Variants in DNAH8 observed in about 807,000 individuals in gnomAD.
DNAH8 encodes the protein dynein axonemal heavy chain 8.
DNAH8 carries 382 observed loss-of-function variants against 562.1 expected under a neutral mutation model. The observed-to-expected ratio is 0.68, with a 90% CI of 0.63 to 0.74. DNAH8 has a LOEUF of 0.74. DNAH8 is among the 30% of genes least tolerant of loss of function. The pLI, the probability that DNAH8 is intolerant of heterozygous loss-of-function variation, is 0.00. For missense variants in DNAH8, 5,203 were observed against 5,620.4 expected, an observed-to-expected ratio of 0.93 and a Z score of 2.37; for synonymous variants, 1,881 against 1,919.4, an observed-to-expected ratio of 0.98 and a Z score of 0.52.
intron 41 of DNAH8, among the ~76,000 whole-genome samples, chr6:38,855,013 G>T: frequency 6.8e-6 from 1 of 147,016 alleles, no homozygotes; most frequent in South Asian, 2.1e-4. Context: ...ATACATATGT[G>T]TATATATGAA....
Position 38,828,229 on chromosome 6 carries a change from G to A in DNAH8, c.4129G>A (p.Glu1377Lys), listed in dbSNP as rs752766661. The change falls in exon 30 of 93, where the codon GAA (glutamate) becomes AAA (lysine). Residue 1377 changes from glutamate to lysine, a missense_variant. Glu to Lys is a moderately conservative substitution (Grantham distance 56). This residue lies in a region of DNAH8 where 2,176 missense variants were observed against 2,365.1 expected (regional missense o/e 0.92). Transcript: ENST00000327475. ...CAGATTTGAAGTTGAAGTAACCAAA[G>A]AAGAATCAGAAGCAGTTGATACCTT... Reference protein sequence around the residue: ...LNRFEVEVTKEESEAVDTLRY... With the variant: ...LNRFEVEVTKKESEAVDTLRY... The A allele has an allele frequency of 1.9e-6, 3 of 1,595,952 alleles. No homozygotes were observed. Among genetic ancestry groups the A allele is most frequent in the Non-Finnish European group, 2.6e-6 (3 of 1,172,934 alleles).
At chr6:38,817,167 A>G (rs1381380830) in intron 26 of DNAH8, among the ~76,000 whole-genome samples, 1 of 152,136 alleles carries the variant, frequency 6.6e-6, no homozygotes, top group African/African-American at 2.4e-5. Flanking sequence ...ACATGGCAAA[A>G]CACTGTCTCT....
At chr6:38,860,762 C>G in intron 43 of DNAH8, 133 bp downstream of exon 43, 1 of 537,462 alleles carries the variant, frequency 1.9e-6, no homozygotes. Flanking sequence ...TAAAGTCAGC[C>G]TAACAATGAA....
chr6:38,999,427 G>T (rs1453590585), intron 88 of DNAH8, among the ~76,000 whole-genome samples: 1 of 151,810 alleles, frequency 6.6e-6, no homozygotes, highest in Non-Finnish European at 1.5e-5. Flanking sequence ...GCTAGAACAG[G>T]TAGGAATCAT....
At chr6:38,976,825 A>G (rs1763710745) in intron 85 of DNAH8, among the ~76,000 whole-genome samples, 1 of 152,244 alleles carries the variant, frequency 6.6e-6, no homozygotes, top group Non-Finnish European at 1.5e-5. Flanking sequence ...GTTGCTTTAA[A>G]CAAACATGTT....
intron 45 of DNAH8, among the ~76,000 whole-genome samples, chr6:38,864,552 T>C (rs1186421465): frequency 6.6e-6 from 1 of 152,190 alleles, no homozygotes; most frequent in Non-Finnish European, 1.5e-5. Flanking sequence ...ACCTACTATC[T>C]CAATCATTGC....
rs1264353262 is a variant in DNAH8 at position 38,851,594 on chromosome 6, C to T, written c.5386C>T (p.Leu1796=). ...AAGGTATTTGGAGAAGAAACGATTA[C>T]TGTTTCCAAGATTCTTCTTTGTATC... The part of the protein sequence containing the change: ...LTGYLEKKRL[L]FPRFFFVSDP... The change falls in exon 39 of 93, where the codon CTG becomes TTG. Residue 1796 remains leucine, a synonymous_variant. Transcript: ENST00000327475. 1 of 1,608,562 alleles carries T rather than the reference C, an allele frequency of 6.2e-7. No homozygotes were observed. Among genetic ancestry groups the T allele is most frequent in the Admixed American group, 1.7e-5 (1 of 58,724 alleles).
rs746266293 is a variant in DNAH8, at chr6:38,722,930, G to T, written c.121G>T (p.Ala41Ser). The part of the protein sequence containing the change: ...EEAPRPPTVE[A>S]PAEDGFSPSA... ...GGCCCCGCGCCCTCCGACAGTGGAG[G>T]CCCCGGCAGAAGATGGTTTCTCTCC... The change falls in exon 2 of 93, where the codon GCC becomes TCC. Residue 41 changes from alanine to serine, a missense_variant. This residue lies in a region of DNAH8 where 556 missense variants were observed against 496.9 expected (regional missense o/e 1.12). Coordinates refer to ENST00000327475, the MANE Select transcript of DNAH8 (RefSeq NM_001206927.2). The T allele has an allele frequency of 6.2e-7, 1 of 1,612,520 alleles. No homozygotes were observed. The highest frequency in any genetic ancestry group is 1.7e-5 in the Admixed American group (1 of 60,000).
intron 25 of DNAH8, among the ~76,000 whole-genome samples, chr6:38,814,564 G>A (rs534780512): frequency 2.0e-5 from 3 of 146,638 alleles, no homozygotes; most frequent in Non-Finnish European, 4.5e-5. Flanking sequence ...CTGGGCGACA[G>A]AGCAAGACTC....
At chr6:38,721,398 T>C (rs1452089144) in intron 1 of DNAH8, among the ~76,000 whole-genome samples, 1 of 152,012 alleles carries the variant, frequency 6.6e-6, no homozygotes, top group African/African-American at 2.4e-5. Flanking sequence ...TCTTAGCTAC[T>C]TGGGAGGCTG....
chr6:38,834,574 T>C lies in DNAH8; in HGVS notation c.4303-5T>C. 1 of 1,576,192 alleles carries C rather than the reference T, an allele frequency of 6.3e-7. No homozygotes were observed. Among genetic ancestry groups the C allele is most frequent in the African/African-American group, 1.4e-5 (1 of 73,722 alleles). ...TGAAAATGGAGATTATATTCTTCCT[T>C]ACAGGAAGGACCTATGGTTCCAAAT... On this transcript the variant is annotated splice_region_variant and splice_polypyrimidine_tract_variant and intron_variant, in intron 31 of 92. Coordinates refer to ENST00000327475, the MANE Select transcript of DNAH8 (RefSeq NM_001206927.2).
intron 1 of DNAH8, 40 bp from the exon 2 acceptor site, chr6:38,722,736 A>G: frequency 2.1e-6 from 3 of 1,455,676 alleles, no homozygotes; most frequent in Non-Finnish European, 2.7e-6. Flanking sequence ...ACAACACTCA[A>G]TTTACTGTAG....
chr6:38,830,420 T>C (rs1205590866), intron 30 of DNAH8, among the ~76,000 whole-genome samples: 1 of 151,266 alleles, frequency 6.6e-6, no homozygotes, highest in Non-Finnish European at 1.5e-5. Flanking sequence ...GGATCACAAG[T>C]TCAGGAGGTC....
At chr6:38,723,607 G>GCTCATGC in intron 3 of DNAH8, 136 bp downstream of exon 3, 1 of 1,141,390 alleles carries the variant, frequency 8.8e-7, no homozygotes, top group Non-Finnish European at 1.2e-6. Context: ...GGGCACAGTG[G>GCTCATGC]CTCATGCCTG....
At position 38,864,000 on chromosome 6, in the gene DNAH8, C is replaced by A; in HGVS notation, c.6438C>A (p.Phe2146Leu). The A allele has an allele frequency of 6.2e-7, 1 of 1,610,826 alleles. No individual in the cohort carries two copies. Among genetic ancestry groups the A allele is most frequent in the South Asian group, 1.1e-5 (1 of 89,654 alleles). The change falls in exon 45 of 93, where the codon TTC becomes TTA. Residue 2146 changes from phenylalanine (F) to leucine (L), a missense_variant. Around this residue, in one of 6 missense-constraint regions of DNAH8, gnomAD observed 2,176 missense variants for 2,365.1 expected, o/e 0.92. Coordinates refer to ENST00000327475, the MANE Select transcript of DNAH8 (RefSeq NM_001206927.2). Reference protein sequence around the residue: ...LTARKERKKQFIFSDGDCVDL... With the variant: ...LTARKERKKQLIFSDGDCVDL... ...CAAGAAAAGAAAGAAAGAAACAGTT[C>A]ATTTTTTCTGATGGTGATTGTGTTG...
chr6:38,778,522 A>G, intron 14 of DNAH8, 58 bp downstream of exon 14: 4 of 1,041,796 alleles, frequency 3.8e-6, no homozygotes, highest in Admixed American at 4.4e-5. Context: ...AAATCTAAAA[A>G]TACAATTTCA....
intron 9 of DNAH8, among the ~76,000 whole-genome samples, chr6:38,751,720 T>C (rs1051852319): frequency 1.2e-4 from 18 of 152,312 alleles, no homozygotes; most frequent in African/African-American, 4.3e-4. Context: ...TGGTATTTCA[T>C]AATATTTCAT....
chr6:38,743,186 TA>T (rs1764664763), intron 8 of DNAH8, among the ~76,000 whole-genome samples: 1 of 151,694 alleles, frequency 6.6e-6, no homozygotes, highest in Non-Finnish European at 1.5e-5. Flanking sequence ...CCCGACTAAT[TA>T]AATAATTTTT....
In DNAH8 at chr6:38,761,794, G is replaced by C; in HGVS notation, c.1608G>C (p.Lys536Asn). 1 of 1,543,388 alleles carries C rather than the reference G, an allele frequency of 6.5e-7. No homozygotes were observed. Among genetic ancestry groups the C allele is most frequent in the Non-Finnish European group, 8.7e-7 (1 of 1,145,944 alleles). ...ATCAGGAAACGCCAGTTGTACTAAA[G>C]AAAATTCAGGTTTGTAGAAGTACTT... is the stretch of plus-strand genomic sequence containing the variant. ...VWDQETPVVL[K>N]KIQDCIFLFK... The change falls in exon 11 of 93, where the codon AAG (lysine) becomes AAC (asparagine). Residue 536 changes from lysine to asparagine, a missense_variant. Lys to Asn is a moderately conservative substitution (Grantham distance 94, BLOSUM62 0). This residue lies in a region of DNAH8 where 2,176 missense variants were observed against 2,365.1 expected (regional missense o/e 0.92). Transcript: ENST00000327475.
Sources: allele counts gnomAD v4.1 joint callset (sites outside exome capture counted in the v4.1 genomes callset), GRCh38; gene constraint gnomAD v4.1.1; regional missense constraint gnomAD v4.1.1; transcripts MANE v1.5; gene names NCBI Gene and HGNC (gene_info 2026-07-23, HGNC 2026-07-21).